Variants in TSHZ1 observed in about 807,000 individuals in gnomAD.
TSHZ1 encodes the protein teashirt zinc finger homeobox 1, also known as teashirt homolog 1.
TSHZ1 carries 12 observed loss-of-function variants against 67.1 expected under a neutral mutation model. That is an observed-to-expected ratio of 0.18 (90% CI 0.11 to 0.29). The LOEUF (loss-of-function observed/expected upper bound fraction) is 0.29, where lower values mean the gene tolerates loss of function less well. Among genes scored for constraint, TSHZ1 ranks in the 10% least tolerant of loss-of-function variants. TSHZ1 has a pLI of 1.00. For synonymous variants in TSHZ1, 632 were observed against 622.4 expected, an observed-to-expected ratio of 1.02 and a Z score of -0.23; for missense variants, 1,305 against 1,413.9, an observed-to-expected ratio of 0.92 and a Z score of 1.23.
At chr18:75,259,323 A>G (rs576176721) in intron 1 of TSHZ1, among the ~76,000 whole-genome samples, 1 of 152,234 alleles carries the variant, frequency 6.6e-6, no homozygotes, top group South Asian at 2.1e-4. Context: ...GCTTTCTACG[A>G]TTTTACTCAC....
At chr18:75,237,348 C>A (rs1365261903) in intron 1 of TSHZ1, among the ~76,000 whole-genome samples, 1 of 152,004 alleles carries the variant, frequency 6.6e-6, no homozygotes, top group Admixed American at 6.6e-5. Context: ...ATGGCGAAAC[C>A]CCATATCTAC....
intron 1 of TSHZ1, chr18:75,245,214 C>G (rs2023207674): frequency 6.6e-6 from 1 of 152,162 alleles, no homozygotes; most frequent in Admixed American, 6.5e-5. Context: ...ACCGGATTGA[C>G]TTTTTGCCTT....
rs571056717 is a variant in TSHZ1 at position 75,248,993 on chromosome 18, G to A, written c.41-36455G>A. Among the ~76,000 whole-genome samples the A allele has an allele frequency of 3.7e-4, 56 of 152,314 alleles. No homozygotes were observed. The South Asian group carries it at 4.3e-3, about 12-fold the overall frequency. On this transcript the variant is annotated intron_variant, in intron 1 of 1. Transcript: ENST00000580243. ...GCCCAGGTGTCTGCTTCCTAACGCG[G>A]GGCCTGAGCCGGGCACCCTGGGGTG...
chr18:75,238,004 G>C (rs963507534), intron 1 of TSHZ1, among the ~76,000 whole-genome samples: 3 of 152,068 alleles, frequency 2.0e-5, no homozygotes, highest in Non-Finnish European at 4.4e-5. Flanking sequence ...TAGAGACGGG[G>C]TTTCTCCATG....
chr18:75,215,982 G>T (rs1447306463), intron 1 of TSHZ1, among the ~76,000 whole-genome samples: 1 of 151,886 alleles, frequency 6.6e-6, no homozygotes, highest in Non-Finnish European at 1.5e-5. Context: ...GTGTTTGTGG[G>T]TGTGTGGTGG....
chr18:75,232,320 C>T (rs999132768), intron 1 of TSHZ1, among the ~76,000 whole-genome samples: 1 of 152,166 alleles, frequency 6.6e-6, no homozygotes, highest in Non-Finnish European at 1.5e-5. Flanking sequence ...ATAATTTACA[C>T]CAATAAAGCC....
At position 75,211,796 on chromosome 18, in the gene TSHZ1, C is replaced by T. The variant is rs985669672; in HGVS notation, c.-81C>T. The T allele has an allele frequency of 0.01, 9,713 of 955,750 alleles. 81 individuals are homozygous for T. Among genetic ancestry groups the T allele is most frequent in the Middle Eastern group, 0.024 (47 of 1,972 alleles). 59.2% of individuals were successfully genotyped at this position (955,750 alleles called of 1,614,324 possible). On this transcript the variant is annotated 5_prime_UTR_variant, in exon 1 of 2. Coordinates refer to ENST00000580243, the MANE Select transcript of TSHZ1 (RefSeq NM_001308210.2). Reference sequence around the variant, plus strand: ...CAAAGTTGGGCGCGCCGCGGAGTTGCGCCCGCGCCCGGGGCCCCGCGTCCC... The same window carrying T: ...CAAAGTTGGGCGCGCCGCGGAGTTGTGCCCGCGCCCGGGGCCCCGCGTCCC...
chr18:75,248,961 G>A (rs1039657729), intron 1 of TSHZ1, among the ~76,000 whole-genome samples: 4 of 152,196 alleles, frequency 2.6e-5, no homozygotes, highest in Admixed American at 1.3e-4. Flanking sequence ...CCTCCGCGTG[G>A]GAGGAGGCCC....
At chr18:75,279,135 T>G (rs2023653817) in intron 1 of TSHZ1, among the ~76,000 whole-genome samples, 1 of 152,078 alleles carries the variant, frequency 6.6e-6, no homozygotes, top group African/African-American at 2.4e-5. Flanking sequence ...GGAGAGCTGC[T>G]TGGGGTCAGG....
chr18:75,286,060 C>G lies in TSHZ1; in HGVS notation c.653C>G (p.Pro218Arg), dbSNP rs2023756213. ...CAGACGTCCTCGTATGGGCTGCTTCCTGAGCCCAGCCTGTTCAGCACCGTG... is the reference window on the plus strand; with the variant it reads ...CAGACGTCCTCGTATGGGCTGCTTCGTGAGCCCAGCCTGTTCAGCACCGTG... ...LQQTSSYGLL[P>R]EPSLFSTVQL... The change falls in exon 2 of 2, where the codon CCT becomes CGT. Residue 218 changes from proline to arginine, a missense_variant. Physicochemically the swap from Pro to Arg is moderately radical, Grantham distance 103. Coordinates refer to ENST00000580243, the MANE Select transcript of TSHZ1 (RefSeq NM_001308210.2). This position sits in a 1 kb window ranked among gnomAD's most constrained non-coding sequence, Gnocchi z 5.1. The G allele has an allele frequency of 1.2e-6, 2 of 1,613,476 alleles. No individual in the cohort carries two copies. The highest frequency in any genetic ancestry group is 1.3e-5 in the African/African-American group (1 of 74,904).
intron 1 of TSHZ1, among the ~76,000 whole-genome samples, chr18:75,282,388 AC>A: frequency 6.6e-6 from 1 of 152,160 alleles, no homozygotes; most frequent in Non-Finnish European, 1.5e-5. Context: ...TGTTGAACAC[AC>A]CTAGAGGCAT....
In TSHZ1 at chr18:75,286,404, C is replaced by G; in HGVS notation, c.997C>G (p.Gln333Glu). 1 of 1,614,168 alleles carries G rather than the reference C, an allele frequency of 6.2e-7. No individual in the cohort carries two copies. Among genetic ancestry groups the G allele is most frequent in the Non-Finnish European group, 8.5e-7 (1 of 1,180,042 alleles). The stretch of plus-strand genomic sequence containing the variant: ...CCACATGATCAAAACCAAGCATTAC[C>G]AGAAAGTGCCTCTGAAGGAGCCAGT... ...SVHMIKTKHY[Q>E]KVPLKEPVPA... The change falls in exon 2 of 2, where the codon CAG (glutamine) becomes GAG (glutamate). Residue 333 changes from glutamine to glutamate, a missense_variant. Gln to Glu is a conservative substitution (Grantham distance 29). Around this residue, in one of 3 missense-constraint regions of TSHZ1, gnomAD observed 38 missense variants for 76.5 expected, o/e 0.50. Transcript: ENST00000580243. The surrounding 1 kb of genome is among the most constrained non-coding windows in gnomAD (Gnocchi z 5.1).
Position 75,287,079 on chromosome 18 carries a change from A to G in TSHZ1, c.1672A>G (p.Thr558Ala). The G allele has an allele frequency of 1.2e-6, 2 of 1,614,110 alleles. No individual in the cohort carries two copies. Among genetic ancestry groups the G allele is most frequent in the Non-Finnish European group, 1.7e-6 (2 of 1,180,016 alleles). Residue 558 changes from threonine (T) to alanine (A), a missense_variant, in exon 2 of 2, where the codon ACC becomes GCC. Thr to Ala is a moderately conservative substitution (Grantham distance 58). Around this residue, in one of 3 missense-constraint regions of TSHZ1, gnomAD observed 909 missense variants for 961.8 expected, o/e 0.95. Coordinates refer to ENST00000580243, the MANE Select transcript of TSHZ1 (RefSeq NM_001308210.2). This position sits in a 1 kb window ranked among gnomAD's most constrained non-coding sequence, Gnocchi z 5.0. ...GLDILKSLENTVSTAISKAQN... is the reference protein window; with the variant it reads ...GLDILKSLENAVSTAISKAQN... The stretch of plus-strand genomic sequence containing the variant: ...GGACATTCTCAAGTCCCTGGAGAAT[A>G]CCGTCTCCACGGCCATTAGCAAAGC...
chr18:75,236,523 T>A (rs947028136), intron 1 of TSHZ1, among the ~76,000 whole-genome samples: 11 of 152,162 alleles, frequency 7.2e-5, no homozygotes, highest in African/African-American at 2.2e-4. Flanking sequence ...TTCTTCTGTT[T>A]TCAGTGTACC....
Position 75,281,901 on chromosome 18 carries a change from GT to G in TSHZ1, c.41-3546del, listed in dbSNP as rs1719822465. On this transcript the variant is annotated intron_variant, in intron 1 of 1. Coordinates refer to ENST00000580243, the MANE Select transcript of TSHZ1 (RefSeq NM_001308210.2). This position sits in a 1 kb window ranked among gnomAD's most constrained non-coding sequence, Gnocchi z 5.3. ...ACACGGGGCTCCCTGCCTTCCAAAA[GT>G]GTCCCTCACCTACCCGGTCAGAGGC... Among the ~76,000 whole-genome samples, 4 of 152,126 alleles carry G rather than the reference GT, an allele frequency of 2.6e-5. No homozygotes were observed. The highest frequency in any genetic ancestry group is 4.4e-5 in the Non-Finnish European group (3 of 68,010).
chr18:75,240,234 C>T (rs1201098079), intron 1 of TSHZ1, among the ~76,000 whole-genome samples: 5 of 152,178 alleles, frequency 3.3e-5, no homozygotes, highest in Non-Finnish European at 5.9e-5. Context: ...GCTGCCCTCT[C>T]TCTCTCTTAC....
intron 1 of TSHZ1, among the ~76,000 whole-genome samples, chr18:75,256,674 GA>G (rs1428984981): frequency 6.6e-6 from 1 of 152,118 alleles, no homozygotes; most frequent in Non-Finnish European, 1.5e-5. Flanking sequence ...GAAATGTGGG[GA>G]AAAATCTCAT....
chr18:75,282,096 C>T (rs988389451), intron 1 of TSHZ1, among the ~76,000 whole-genome samples: 6 of 152,158 alleles, frequency 3.9e-5, no homozygotes, highest in Non-Finnish European at 8.8e-5. Flanking sequence ...TTAGGAGGGC[C>T]TTCTCGTTCT....
intron 1 of TSHZ1, among the ~76,000 whole-genome samples, chr18:75,225,611 C>T (rs952534689): frequency 2.0e-5 from 3 of 152,108 alleles, no homozygotes; most frequent in Non-Finnish European, 1.5e-5. Context: ...CAAGTAGGGC[C>T]GACAATGAGA....
Sources: gnomAD v4.1 joint callset for allele counts (sites outside exome capture counted in the v4.1 genomes callset) on GRCh38, gnomAD v4.1.1 for gene constraint, gnomAD v4.1.1 regional missense constraint, Gnocchi (gnomAD v3.1) non-coding constraint, MANE v1.5 for transcripts, NCBI Gene and HGNC (gene_info 2026-07-23, HGNC 2026-07-21) for gene names.